Variants in MECOM observed in about 807,000 individuals in gnomAD.
MECOM encodes the protein MDS1 and EVI1 complex locus.
In MECOM, 13 loss-of-function variants were observed where a neutral mutation model predicts 116.3. The ratio of observed to expected loss-of-function variants is 0.11; its 90% CI spans 0.07 to 0.18. MECOM has a LOEUF of 0.18. MECOM is among the 10% of genes least tolerant of loss of function. MECOM has a pLI of 1.00. For synonymous variants in MECOM, 528 were observed against 535.2 expected, an observed-to-expected ratio of 0.99 and a Z score of 0.19; for missense variants, 1,299 against 1,509.0, an observed-to-expected ratio of 0.86 and a Z score of 2.31.
At chr3:169,194,650 C>G (rs1341319032) in intron 2 of MECOM, among the ~76,000 whole-genome samples, 1 of 151,972 alleles carries the variant, frequency 6.6e-6, no homozygotes, top group African/African-American at 2.4e-5. Flanking sequence ...TGTGTATTTT[C>G]CATGCTGACA....
At chr3:169,561,637 A>C (rs1762645440) in intron 1 of MECOM, among the ~76,000 whole-genome samples, 2 of 152,208 alleles carry the variant, frequency 1.3e-5, no homozygotes, top group Admixed American at 1.3e-4. Context: ...GAAAGGAAGA[A>C]AAACAAATGG....
chr3:169,636,792 C>A (rs1376034771), intron 1 of MECOM, among the ~76,000 whole-genome samples: 3 of 152,190 alleles, frequency 2.0e-5, no homozygotes, highest in African/African-American at 7.2e-5. Context: ...ACGAGAAAGG[C>A]ATTTCCCCAC....
intron 1 of MECOM, among the ~76,000 whole-genome samples, chr3:169,523,994 CTGT>C (rs1757679373): frequency 7.0e-6 from 1 of 143,016 alleles, no homozygotes; most frequent in African/African-American, 2.6e-5. Context: ...ACATACATAC[CTGT>C]ATATGAATAA....
intron 1 of MECOM, among the ~76,000 whole-genome samples, chr3:169,521,837 G>A (rs973367782): frequency 6.6e-6 from 1 of 152,138 alleles, no homozygotes; most frequent in African/African-American, 2.4e-5. Flanking sequence ...ACAGGTCAAA[G>A]CTATTAGGAG....
chr3:169,318,971 T>A (rs1720318737), intron 2 of MECOM, among the ~76,000 whole-genome samples: 1 of 151,716 alleles, frequency 6.6e-6, no homozygotes, highest in Admixed American at 6.6e-5. Flanking sequence ...TGGTGGTGGG[T>A]GCCTGTAATC....
rs544800083 is a variant in MECOM, at chr3:169,113,941, G to A, written c.2490-1067C>T. On this transcript the variant is annotated intron_variant, in intron 8 of 16. Transcript: ENST00000651503. ...TTTCATGAGTTTGGCAAAATGACAG[G>A]CCTAGGTCTTAATTGAGACAAGCAC... Among the ~76,000 whole-genome samples, 3 of 152,064 alleles carry A rather than the reference G, an allele frequency of 2.0e-5. No individual in the cohort carries two copies. In the South Asian group the frequency reaches 6.2e-4, roughly 32 times the overall value.
intron 2 of MECOM, among the ~76,000 whole-genome samples, chr3:169,348,828 A>G (rs1240466647): frequency 1.3e-5 from 2 of 152,016 alleles, no homozygotes; most frequent in Non-Finnish European, 2.9e-5. Flanking sequence ...AATGCCTTAG[A>G]ATGACTGCAT....
chr3:169,523,924 T>C (rs1757657037), intron 1 of MECOM, among the ~76,000 whole-genome samples: 1 of 148,678 alleles, frequency 6.7e-6, no homozygotes, highest in Non-Finnish European at 1.5e-5. Flanking sequence ...TATATGTGTA[T>C]ATATATTAGT....
At chr3:169,439,645 T>C (rs529421065) in intron 1 of MECOM, among the ~76,000 whole-genome samples, 128 of 152,266 alleles carry the variant, frequency 8.4e-4, no homozygotes, top group African/African-American at 2.9e-3. Flanking sequence ...TGCTGATGTG[T>C]GTGTAAATTG....
intron 2 of MECOM, among the ~76,000 whole-genome samples, chr3:169,192,719 A>G (rs1039682431): frequency 6.6e-6 from 1 of 152,024 alleles, no homozygotes; most frequent in Non-Finnish European, 1.5e-5. Flanking sequence ...AAGTACTTTC[A>G]TACTTTTACA....
intron 2 of MECOM, among the ~76,000 whole-genome samples, chr3:169,171,135 A>G (rs562982609): frequency 2.0e-5 from 3 of 152,342 alleles, no homozygotes; most frequent in Admixed American, 2.0e-4. Context: ...AATGTTATAC[A>G]TACTAATTTT....
chr3:169,148,520 C>T (rs1348766633), intron 2 of MECOM, among the ~76,000 whole-genome samples: 1 of 152,132 alleles, frequency 6.6e-6, no homozygotes, highest in African/African-American at 2.4e-5. Flanking sequence ...GAAGTAAACG[C>T]GTTTTTATCA....
chr3:169,323,302 T>G (rs1030687421), intron 2 of MECOM, among the ~76,000 whole-genome samples: 2 of 152,134 alleles, frequency 1.3e-5, no homozygotes, highest in African/African-American at 2.4e-5. Flanking sequence ...TCCCCCAGTA[T>G]TGGGTGTGTG....
intron 1 of MECOM, among the ~76,000 whole-genome samples, chr3:169,596,538 T>C (rs1339740338): frequency 1.3e-5 from 2 of 152,212 alleles, no homozygotes; most frequent in Non-Finnish European, 2.9e-5. Flanking sequence ...AAATCTATTT[T>C]GCGTACAAGT....
At chr3:169,513,093 G>A (rs982869862) in intron 1 of MECOM, among the ~76,000 whole-genome samples, 5 of 152,158 alleles carry the variant, frequency 3.3e-5, no homozygotes, top group Admixed American at 6.5e-5. Context: ...TTGTTTCCCC[G>A]GGATGACAAT....
At chr3:169,553,090 A>G (rs564439758) in intron 1 of MECOM, among the ~76,000 whole-genome samples, 2 of 152,144 alleles carry the variant, frequency 1.3e-5, no homozygotes, top group Non-Finnish European at 2.9e-5. Flanking sequence ...AAAAAAAGAA[A>G]ATTCTGTTCA....
intron 1 of MECOM, among the ~76,000 whole-genome samples, chr3:169,599,977 C>CTTTTT (rs970657764): frequency 2.0e-5 from 3 of 149,948 alleles, no homozygotes; most frequent in East Asian, 3.9e-4. Context: ...TCTTGACTTA[C>CTTTTT]TTTTTTTTTT....
intron 4 of MECOM, among the ~76,000 whole-genome samples, chr3:169,130,872 T>C (rs1381368230): frequency 6.6e-6 from 1 of 152,208 alleles, no homozygotes. Context: ...GTATCACTAC[T>C]GATTATCATT....
intron 2 of MECOM, among the ~76,000 whole-genome samples, chr3:169,190,909 A>G (rs1192745979): frequency 6.6e-6 from 1 of 152,030 alleles, no homozygotes; most frequent in African/African-American, 2.4e-5. Context: ...TTGTATATCA[A>G]TGTGTATCTA....
Sources: gnomAD v4.1 joint callset for allele counts (sites outside exome capture counted in the v4.1 genomes callset) on GRCh38, gnomAD v4.1.1 for gene constraint, MANE v1.5 for transcripts, NCBI Gene and HGNC (gene_info 2026-07-23, HGNC 2026-07-21) for gene names.